The following SEMA3C variants were observed in gnomAD, a reference collection of about 807,000 sequenced individuals.
SEMA3C encodes the protein semaphorin 3C.
SEMA3C carries 47 observed loss-of-function variants against 89.4 expected under a neutral mutation model. That is an observed-to-expected ratio of 0.53 (90% CI 0.42 to 0.67). The LOEUF is 0.67. SEMA3C is among the 30% of genes least tolerant of loss of function. The probability of loss-of-function intolerance (pLI) is 0.00; values close to 1 mark genes in which losing one functional copy is unlikely to be tolerated. For synonymous variants in SEMA3C, 310 were observed against 320.2 expected, an observed-to-expected ratio of 0.97 and a Z score of 0.34; for missense variants, 839 against 929.1, an observed-to-expected ratio of 0.90 and a Z score of 1.26.
At chr7:80,766,413 G>A (rs887328124) in intron 12 of SEMA3C, among the ~76,000 whole-genome samples, 5 of 119,394 alleles carry the variant, frequency 4.2e-5, no homozygotes, top group Non-Finnish European at 6.8e-5. Flanking sequence ...CTTCAGCTAT[G>A]ACAGGAAATA....
chr7:80,769,845 C>T (rs1183340165), intron 12 of SEMA3C, among the ~76,000 whole-genome samples: 3 of 96,120 alleles, frequency 3.1e-5, no homozygotes, highest in African/African-American at 4.3e-5. Context: ...GGGGATAGAG[C>T]AAGACTCTGT....
intron 2 of SEMA3C, among the ~76,000 whole-genome samples, chr7:80,829,110 T>A (rs1005276700): frequency 3.3e-5 from 5 of 152,034 alleles, no homozygotes; most frequent in African/African-American, 1.2e-4. Context: ...GAGGTTACAG[T>A]GAGCTATGAT....
chr7:80,747,824 T>G (rs1787834743), intron 17 of SEMA3C, among the ~76,000 whole-genome samples: 1 of 152,170 alleles, frequency 6.6e-6, no homozygotes, highest in African/African-American at 2.4e-5. Flanking sequence ...TTCAGTTTCC[T>G]CCTGCAAGTA....
At chr7:80,893,996 A>C (rs1018724556) in intron 2 of SEMA3C, among the ~76,000 whole-genome samples, 2 of 152,184 alleles carry the variant, frequency 1.3e-5, no homozygotes, top group African/African-American at 4.8e-5. Context: ...ACTCACTTGA[A>C]TTTTAACCCT....
intron 17 of SEMA3C, among the ~76,000 whole-genome samples, chr7:80,746,747 G>GTGTGTGTGTGTGTGTGT (rs1554357889): frequency 8.0e-5 from 12 of 150,726 alleles, no homozygotes; most frequent in East Asian, 1.9e-4. Context: ...GTGTGTGTGT[G>GTGTGTGTGTGTGTGTGT]GAGGGGAGGA....
chr7:80,791,722 T>G lies in SEMA3C; in HGVS notation c.1132-2194A>C, dbSNP rs144268415. On this transcript the variant is annotated intron_variant, in intron 11 of 17. Coordinates refer to ENST00000265361, the MANE Select transcript of SEMA3C (RefSeq NM_006379.5). ...TATGTAAAATCTGCCAAGTGTTTAA[T>G]GTTGACTCAGTAAAAAAAGAACAGC... 1.1e-3 allele frequency among the ~76,000 whole-genome samples: 164 copies of G among 152,294 alleles called. 1 individual carries two copies. The highest frequency in any genetic ancestry group is 3.6e-3 in the African/African-American group (150 of 41,560).
In SEMA3C at chr7:80,820,973, G is replaced by A. The variant is rs114686457; in HGVS notation, c.328-2555C>T. Among the ~76,000 whole-genome samples, 403 of 152,196 alleles carry A rather than the reference G, an allele frequency of 2.6e-3. 3 individuals are homozygous for A. The highest frequency in any genetic ancestry group is 9.2e-3 in the African/African-American group (384 of 41,532). On this transcript the variant is annotated intron_variant, in intron 4 of 17. Coordinates refer to ENST00000265361, the MANE Select transcript of SEMA3C (RefSeq NM_006379.5). ...CTTATGGATGTCAATGTACTTTCATGAATTACTGGTATTGGTAAAATGAAA... is the reference window on the plus strand; with the variant it reads ...CTTATGGATGTCAATGTACTTTCATAAATTACTGGTATTGGTAAAATGAAA...
chr7:80,911,277 T>C (rs1335926816), intron 2 of SEMA3C, among the ~76,000 whole-genome samples: 6 of 152,202 alleles, frequency 3.9e-5, no homozygotes, highest in Non-Finnish European at 7.3e-5. Flanking sequence ...CTAATTCTCA[T>C]GGCAGCTACA....
rs569353784 is a variant in SEMA3C, at chr7:80,886,203, C to CT, written c.103+30475dup. Among the ~76,000 whole-genome samples the CT allele has an allele frequency of 9.8e-4, 142 of 144,262 alleles. 1 individual carries two copies. The highest frequency in any genetic ancestry group is 2.8e-3 in the African/African-American group (102 of 36,642). The allele number at this position is 144,262 out of a possible 152,430, so 94.6% of individuals were successfully genotyped here. A position where few individuals can be genotyped will look rare whatever the true frequency, so the allele number is the denominator to read the frequency against. ...ATATTATTGCACATATCAAGTCTAC[C>CT]TTTTTTTTTTACTTTTAATTTCTAA... is the stretch of plus-strand genomic sequence containing the variant. On this transcript the variant is annotated intron_variant, in intron 2 of 17. Transcript: ENST00000265361.
At position 80,744,991 on chromosome 7, in the gene SEMA3C, T is replaced by C; in HGVS notation, c.2159A>G (p.Asp720Gly). Residue 720 changes from aspartate to glycine, a missense_variant, in exon 18 of 18, where the codon GAT becomes GGT. By Grantham distance (94) the Asp-to-Gly change is moderately conservative (BLOSUM62 -1). Coordinates refer to ENST00000265361, the MANE Select transcript of SEMA3C (RefSeq NM_006379.5). The stretch of plus-strand genomic sequence containing the variant: ...GTCCCCTCTCATTTTCTGTGATTCA[T>C]CTCCCTGCTGATGTTGCTGCCGAGT... ...KDTRQQHQQG[D>G]ESQKMRGDYG... is the part of the protein sequence containing the mutation. 1 of 1,614,120 alleles carries C rather than the reference T, an allele frequency of 6.2e-7. No individual in the cohort carries two copies. Among genetic ancestry groups the C allele is most frequent in the Non-Finnish European group, 8.5e-7 (1 of 1,179,984 alleles).
At chr7:80,825,713 A>G (rs1036703324) in intron 4 of SEMA3C, among the ~76,000 whole-genome samples, 22 of 152,294 alleles carry the variant, frequency 1.4e-4, no homozygotes, top group Admixed American at 2.6e-4. Context: ...GGACAATGCA[A>G]TTCAGTATAG....
At chr7:80,803,044 C>T (rs1036801328) in intron 8 of SEMA3C, among the ~76,000 whole-genome samples, 1 of 151,936 alleles carries the variant, frequency 6.6e-6, no homozygotes, top group African/African-American at 2.4e-5. Flanking sequence ...CTAATTTTAA[C>T]GATGTACAAT....
intron 16 of SEMA3C, among the ~76,000 whole-genome samples, chr7:80,749,610 G>GTAA (rs1787879880): frequency 6.6e-6 from 1 of 152,178 alleles, no homozygotes. Flanking sequence ...TACTGGCTGT[G>GTAA]TAACCTCAGA....
chr7:80,836,270 A>G (rs144229194), intron 2 of SEMA3C, among the ~76,000 whole-genome samples: 66 of 152,326 alleles, frequency 4.3e-4, no homozygotes, highest in African/African-American at 1.5e-3. Context: ...TAGAAGACAG[A>G]AGGTTCCCCT....
intron 2 of SEMA3C, among the ~76,000 whole-genome samples, chr7:80,859,801 G>A (rs995164585): frequency 6.6e-6 from 1 of 152,032 alleles, no homozygotes; most frequent in African/African-American, 2.4e-5. Flanking sequence ...CAGCTCAGTG[G>A]CTGGCTGGCT....
chr7:80,871,457 C>A (rs1038761992), intron 2 of SEMA3C, among the ~76,000 whole-genome samples: 4 of 152,164 alleles, frequency 2.6e-5, no homozygotes, highest in Admixed American at 2.6e-4. Flanking sequence ...AAACATTATG[C>A]TAATTTATTG....
In SEMA3C at chr7:80,821,505, C is replaced by T. The variant is rs570862100; in HGVS notation, c.328-3087G>A. Among the ~76,000 whole-genome samples the T allele has an allele frequency of 1.5e-3, 234 of 152,190 alleles. 3 individuals are homozygous for T. Among genetic ancestry groups the T allele is most frequent in the African/African-American group, 5.4e-3 (223 of 41,524 alleles). ...TGCGATCTCTGCTCACTGCAACCTC[C>T]GCTTCCCGGGTTCAAGAAATTCTCC... On this transcript the variant is annotated intron_variant, in intron 4 of 17. Transcript: ENST00000265361.
chr7:80,903,993 T>C (rs1167632299), intron 2 of SEMA3C, among the ~76,000 whole-genome samples: 2 of 152,156 alleles, frequency 1.3e-5, no homozygotes, highest in Non-Finnish European at 2.9e-5. Flanking sequence ...CACAAACCTG[T>C]ATTTAATCCC....
At chr7:80,830,958 A>C (rs1789995934) in intron 2 of SEMA3C, among the ~76,000 whole-genome samples, 1 of 152,208 alleles carries the variant, frequency 6.6e-6, no homozygotes, top group Admixed American at 6.5e-5. Flanking sequence ...AATCAAAGCA[A>C]GTATCACTCA....
Sources: gnomAD v4.1 joint callset for allele counts (sites outside exome capture counted in the v4.1 genomes callset) on GRCh38, gnomAD v4.1.1 for gene constraint, MANE v1.5 for transcripts, NCBI Gene and HGNC (gene_info 2026-07-23, HGNC 2026-07-21) for gene names.